Variants in KCNIP4 observed in about 807,000 individuals in gnomAD.
KCNIP4 encodes the protein Kv channel-interacting protein 4.
Under a neutral mutation model 34.0 loss-of-function variants are expected in KCNIP4, and 12 were observed. That is an observed-to-expected ratio of 0.35 (90% CI 0.23 to 0.57). The LOEUF (loss-of-function observed/expected upper bound fraction) is 0.57. Among genes scored for constraint, KCNIP4 ranks in the 20% least tolerant of loss-of-function variants. The pLI, the probability that KCNIP4 is intolerant of heterozygous loss-of-function variation, is 0.83. For synonymous variants in KCNIP4, 124 were observed against 102.2 expected, an observed-to-expected ratio of 1.21 and a Z score of -1.29; for missense variants, 238 against 311.7, an observed-to-expected ratio of 0.76 and a Z score of 1.78.
chr4:21,272,727 T>A (rs1214173654), intron 1 of KCNIP4, among the ~76,000 whole-genome samples: 2 of 152,182 alleles, frequency 1.3e-5, no homozygotes, highest in African/African-American at 4.8e-5. Flanking sequence ...TCTCACTGTA[T>A]TTCATTTTAA....
chr4:21,042,706 A>T (rs913949881), intron 1 of KCNIP4, among the ~76,000 whole-genome samples: 1 of 152,180 alleles, frequency 6.6e-6, no homozygotes, highest in African/African-American at 2.4e-5. Context: ...CATCACGAAG[A>T]AATGATATAT....
chr4:21,197,895 A>C (rs1577872628), intron 1 of KCNIP4, among the ~76,000 whole-genome samples: 2 of 152,326 alleles, frequency 1.3e-5, no homozygotes, highest in Non-Finnish European at 2.9e-5. Flanking sequence ...AGTATGCTTG[A>C]GTTTCAGTAA....
intron 2 of KCNIP4, among the ~76,000 whole-genome samples, chr4:20,871,358 A>G (rs949353109): frequency 6.6e-6 from 1 of 152,098 alleles, no homozygotes. Context: ...TCATCACTAT[A>G]TAAGTAATAT....
At chr4:21,629,849 C>CTTTCTTT (rs777493931) in intron 1 of KCNIP4, among the ~76,000 whole-genome samples, 3 of 87,800 alleles carry the variant, frequency 3.4e-5, no homozygotes, top group Non-Finnish European at 6.0e-5. Flanking sequence ...CTTTTTCTTT[C>CTTTCTTT]TTTTTTTTTT....
chr4:21,916,310 A>G (rs1309613344), intron 1 of KCNIP4, among the ~76,000 whole-genome samples: 2 of 152,230 alleles, frequency 1.3e-5, no homozygotes, highest in African/African-American at 4.8e-5. Flanking sequence ...TCTCAAAGTT[A>G]CAATCATGCC....
At chr4:20,857,287 G>A (rs1017498255) in intron 2 of KCNIP4, among the ~76,000 whole-genome samples, 18 of 152,198 alleles carry the variant, frequency 1.2e-4, no homozygotes, top group Admixed American at 6.5e-4. Flanking sequence ...TGGGGAGCAC[G>A]GCATGATCCC....
At chr4:21,259,230 T>C (rs2109099560) in intron 1 of KCNIP4, among the ~76,000 whole-genome samples, 1 of 152,312 alleles carries the variant, frequency 6.6e-6, no homozygotes, top group Admixed American at 6.5e-5. Flanking sequence ...TCCTACCTCA[T>C]TAAAACAATT....
rs11291297 is a variant in KCNIP4, at chr4:21,665,511, ACCC to A, written c.61+283057_61+283059del. ...ACTACTGTCTTTTCTATCACAGGGC[ACCC>A]CCCCCCCCTCATTTTATACATGTAT... On this transcript the variant is annotated intron_variant, in intron 1 of 8. Transcript: ENST00000382152. Among the ~76,000 whole-genome samples, 11 of 138,974 alleles carry A rather than the reference ACCC, an allele frequency of 7.9e-5. No homozygotes were observed. In the East Asian group the frequency reaches 1.4e-3, roughly 18 times the overall value. 91.2% of individuals were successfully genotyped at this position (138,974 alleles called of 152,430 possible). A position where few individuals can be genotyped will look rare whatever the true frequency, so the allele number is the denominator to read the frequency against.
chr4:21,736,660 A>T (rs953919509), intron 1 of KCNIP4, among the ~76,000 whole-genome samples: 2 of 152,222 alleles, frequency 1.3e-5, no homozygotes, highest in African/African-American at 4.8e-5. Context: ...CTCAAGTCAC[A>T]TCAGTTACCT....
In KCNIP4 at chr4:20,898,664, C is replaced by T. The variant is rs78831654; in HGVS notation, c.62-15955G>A. ...TGCTTTATATCTAGCACCTAAGTAT[C>T]TGGGACATAGTAGAGTCTCAATTGA... On this transcript the variant is annotated intron_variant, in intron 1 of 8. Coordinates refer to ENST00000382152, the MANE Select transcript of KCNIP4 (RefSeq NM_025221.6). 1.9e-3 allele frequency among the ~76,000 whole-genome samples: 286 copies of T among 152,262 alleles called. 1 individual carries two copies. Among genetic ancestry groups the T allele is most frequent in the Non-Finnish European group, 3.4e-3 (234 of 68,020 alleles).
At chr4:21,945,233 C>T (rs1730445084) in intron 1 of KCNIP4, among the ~76,000 whole-genome samples, 1 of 152,198 alleles carries the variant, frequency 6.6e-6, no homozygotes, top group Admixed American at 6.5e-5. Context: ...ATCTTGCACA[C>T]AGATTTTATA....
chr4:21,079,748 A>G (rs1205874702), intron 1 of KCNIP4, among the ~76,000 whole-genome samples: 2 of 151,860 alleles, frequency 1.3e-5, no homozygotes, highest in African/African-American at 4.9e-5. Context: ...AGTTCAGTGT[A>G]ACCATAATGG....
chr4:20,950,378 G>C (rs1732655466), intron 1 of KCNIP4, among the ~76,000 whole-genome samples: 3 of 152,012 alleles, frequency 2.0e-5, no homozygotes, highest in South Asian at 4.1e-4. Context: ...ACTTGCCGAG[G>C]GGTTCATTTG....
intron 3 of KCNIP4, among the ~76,000 whole-genome samples, chr4:20,817,211 C>A (rs536203362): frequency 5.9e-5 from 9 of 152,264 alleles, no homozygotes; most frequent in African/African-American, 1.7e-4. Flanking sequence ...CAGAATTGGA[C>A]CTGTGGAATT....
chr4:20,949,168 G>A (rs964075376), intron 1 of KCNIP4, among the ~76,000 whole-genome samples: 1 of 152,196 alleles, frequency 6.6e-6, no homozygotes, highest in East Asian at 1.9e-4. Flanking sequence ...GCATGAGAGG[G>A]AGAGGCTGAG....
chr4:20,793,696 T>C (rs1052961669), intron 3 of KCNIP4, among the ~76,000 whole-genome samples: 10 of 152,042 alleles, frequency 6.6e-5, no homozygotes, highest in Admixed American at 6.6e-4. Context: ...CATTGTAATA[T>C]ATAATGAAAT....
At chr4:21,576,775 T>C in intron 1 of KCNIP4, among the ~76,000 whole-genome samples, 1 of 152,174 alleles carries the variant, frequency 6.6e-6, no homozygotes, top group East Asian at 1.9e-4. Context: ...ATAATAATTA[T>C]CTTATATTAA....
At chr4:21,666,729 T>G in intron 1 of KCNIP4, among the ~76,000 whole-genome samples, 1 of 151,918 alleles carries the variant, frequency 6.6e-6, no homozygotes, top group Non-Finnish European at 1.5e-5. Flanking sequence ...GAAAAAAAAA[T>G]GCCAAAGCTG....
At chr4:21,730,529 T>C (rs1323178039) in intron 1 of KCNIP4, among the ~76,000 whole-genome samples, 1 of 151,990 alleles carries the variant, frequency 6.6e-6, no homozygotes, top group Non-Finnish European at 1.5e-5. Context: ...AGACAGGATA[T>C]ATATTGGGGG....
Sources: allele counts gnomAD v4.1 joint callset (sites outside exome capture counted in the v4.1 genomes callset), GRCh38; gene constraint gnomAD v4.1.1; transcripts MANE v1.5; gene names NCBI Gene and HGNC (gene_info 2026-07-23, HGNC 2026-07-21).